Variants in ZNF469 observed in about 807,000 individuals in gnomAD.
ZNF469 encodes zinc finger protein 469.
Under a neutral mutation model 1.0 loss-of-function variants are expected in ZNF469, and 1 was observed. The ratio of observed to expected loss-of-function variants is 1.00; its 90% CI spans 0.35 to 4.73. The LOEUF (loss-of-function observed/expected upper bound fraction) is 4.73, where lower values mean the gene tolerates loss of function less well. Among genes scored for constraint, ZNF469 ranks in the 30% most tolerant of loss-of-function variants. The probability of loss-of-function intolerance (pLI) is 0.16; values close to 1 mark genes in which losing one functional copy is unlikely to be tolerated. For synonymous variants in ZNF469, 2,703 were observed against 2,363.4 expected (o/e 1.14, Z -4.17); for missense variants, 6,100 against 5,356.3 (o/e 1.14, Z -4.33).
chr16:88,335,659 G>C, the ZNF469 span, among the ~76,000 whole-genome samples: 99 of 152,384 alleles, frequency 6.5e-4, no homozygotes, highest in African/African-American at 2.3e-3. Context: ...TCTGCCTCCT[G>C]ATGGGAGGAG....
At chr16:88,117,125 C>G in the ZNF469 span, among the ~76,000 whole-genome samples, 335 of 151,582 alleles carry the variant, frequency 2.2e-3, no homozygotes, top group African/African-American at 7.6e-3. Flanking sequence ...GTCAGGGATG[C>G]GTGAGGGCCA....
the ZNF469 span, among the ~76,000 whole-genome samples, chr16:88,307,920 C>T: frequency 1.3e-5 from 2 of 152,180 alleles, no homozygotes; most frequent in African/African-American, 4.8e-5. Flanking sequence ...TAACTCAAAG[C>T]CACAAAGATG....
chr16:88,103,096 T>C, the ZNF469 span, among the ~76,000 whole-genome samples: 1 of 152,256 alleles, frequency 6.6e-6, no homozygotes, highest in Non-Finnish European at 1.5e-5. Flanking sequence ...GCTGTTCTCA[T>C]GTGTCCACTG....
At chr16:88,381,197 CATTCACAG>C (rs2092523391), upstream of ZNF469, among the ~76,000 whole-genome samples, 1 of 119,794 alleles carries the variant, frequency 8.3e-6, no homozygotes, top group African/African-American at 4.6e-5. Context: ...CACACACATG[CATTCACAG>C]ACACACACAC....
At chr16:88,344,547 G>T in the ZNF469 span, among the ~76,000 whole-genome samples, 1 of 152,364 alleles carries the variant, frequency 6.6e-6, no homozygotes, top group South Asian at 2.1e-4. Context: ...TTCTGGCAGG[G>T]ATGGGGTCAG....
chr16:88,193,195 GTGA>G, the ZNF469 span, among the ~76,000 whole-genome samples: 6 of 89,590 alleles, frequency 6.7e-5, no homozygotes, highest in African/African-American at 1.7e-4. Context: ...GGTGGTGGTG[GTGA>G]TGGTGGTGGG....
chr16:88,433,280 C>G lies in ZNF469; in HGVS notation c.5810C>G (p.Pro1937Arg). The change falls in exon 3 of 3, where the codon CCC becomes CGC. Residue 1937 changes from proline to arginine, a missense_variant. Physicochemically the swap from Pro to Arg is moderately radical, Grantham distance 103. Coordinates refer to ENST00000565624, the MANE Select transcript of ZNF469 (RefSeq NM_001367624.2). Reference protein sequence around the residue: ...PAAQSPPRVNPSGLEGGTVEG... With the variant: ...PAAQSPPRVNRSGLEGGTVEG... ...GCCCAGAGCCCTCCACGAGTGAACC[C>G]CTCAGGTCTGGAAGGGGGCACTGTG... The G allele has an allele frequency of 6.5e-7, 1 of 1,550,352 alleles. No homozygotes were observed. Among genetic ancestry groups the G allele is most frequent in the Non-Finnish European group, 8.7e-7 (1 of 1,146,950 alleles).
the ZNF469 span, among the ~76,000 whole-genome samples, chr16:88,202,725 G>A: frequency 1.3e-5 from 2 of 152,196 alleles, no homozygotes; most frequent in South Asian, 2.1e-4. Flanking sequence ...TCCTCACCGT[G>A]TGCTGCATCC....
In ZNF469 at chr16:88,433,955, C is replaced by T. The variant is rs1906383855; in HGVS notation, c.6485C>T (p.Pro2162Leu). The change falls in exon 3 of 3, where the codon CCC (proline) becomes CTC (leucine). Residue 2162 changes from proline (P) to leucine (L), a missense_variant. Transcript: ENST00000565624. ...CCGTCCTGCAGGGACCCTCCCGGCC[C>T]CCAGCAGCTGCTGGCCTGTTCTCCT... is the stretch of plus-strand genomic sequence containing the variant. The part of the protein sequence containing the change: ...ASPSCRDPPG[P>L]QQLLACSPAW... 6.5e-7 allele frequency: 1 copy of T among 1,550,254 alleles called. No individual in the cohort carries two copies.
chr16:88,159,035 T>A, the ZNF469 span, among the ~76,000 whole-genome samples: 4 of 152,146 alleles, frequency 2.6e-5, no homozygotes, highest in African/African-American at 9.7e-5. Flanking sequence ...CGAGGTGATG[T>A]CTTATCAGTG....
the ZNF469 span, among the ~76,000 whole-genome samples, chr16:88,369,817 C>G: frequency 6.6e-6 from 1 of 152,186 alleles, no homozygotes; most frequent in Non-Finnish European, 1.5e-5. Context: ...ACCCCCGCGA[C>G]CCCCAGCCCC....
chr16:88,277,065 C>T, the ZNF469 span, among the ~76,000 whole-genome samples: 2 of 151,212 alleles, frequency 1.3e-5, no homozygotes, highest in African/African-American at 4.9e-5. Context: ...TTGCACCACA[C>T]TGATGCTCAG....
the ZNF469 span, among the ~76,000 whole-genome samples, chr16:88,184,853 G>C: frequency 6.6e-6 from 1 of 152,246 alleles, no homozygotes; most frequent in Non-Finnish European, 1.5e-5. Context: ...GGCTTGTGCG[G>C]GGACACGTGC....
chr16:88,131,510 C>T, the ZNF469 span, among the ~76,000 whole-genome samples: 1 of 151,962 alleles, frequency 6.6e-6, no homozygotes, highest in African/African-American at 2.4e-5. Context: ...GCGCTGCCTT[C>T]CCGGGGGCCC....
the ZNF469 span, among the ~76,000 whole-genome samples, chr16:88,280,278 T>A: frequency 6.6e-6 from 1 of 151,648 alleles, no homozygotes; most frequent in Non-Finnish European, 1.5e-5. Context: ...GCACGGTTAG[T>A]GCTGTGCCAC....
the ZNF469 span, among the ~76,000 whole-genome samples, chr16:88,237,141 C>T: frequency 9.4e-6 from 1 of 106,476 alleles, no homozygotes; most frequent in Non-Finnish European, 2.1e-5. Flanking sequence ...ATCCTCCATG[C>T]TCCTGCCACG....
the ZNF469 span, among the ~76,000 whole-genome samples, chr16:88,208,666 G>A: frequency 6.7e-6 from 1 of 148,386 alleles, no homozygotes; most frequent in Non-Finnish European, 1.5e-5. Context: ...GAGGGAGGGA[G>A]GGAAGAAGGG....
chr16:88,291,141 G>C, the ZNF469 span, among the ~76,000 whole-genome samples: 1 of 152,136 alleles, frequency 6.6e-6, no homozygotes, highest in Non-Finnish European at 1.5e-5. Flanking sequence ...CATAGATGGG[G>C]CAGTCCGGGC....
At chr16:88,404,093 T>C (rs1904960991) in intron 1 of ZNF469, among the ~76,000 whole-genome samples, 1 of 152,230 alleles carries the variant, frequency 6.6e-6, no homozygotes, top group Non-Finnish European at 1.5e-5. Context: ...ACAGTGATTG[T>C]TGTTTTGCGG....
Sources: allele counts gnomAD v4.1 joint callset (sites outside exome capture counted in the v4.1 genomes callset), GRCh38; gene constraint gnomAD v4.1.1; transcripts MANE v1.5; gene names NCBI Gene and HGNC (gene_info 2026-07-23, HGNC 2026-07-21).